ANOS1: variants seen among roughly 807,000 people sequenced by gnomAD.
The protein encoded by ANOS1 is anosmin-1.
Under a neutral mutation model 59.0 loss-of-function variants are expected in ANOS1, and 6 were observed. The ratio of observed to expected loss-of-function variants is 0.10; its 90% CI spans 0.06 to 0.20. The LOEUF is 0.20. Ranked by LOEUF, ANOS1 falls within the 10% of genes least tolerant of loss-of-function variation. The pLI is 1.00. For synonymous variants in ANOS1, 217 were observed against 223.4 expected (o/e 0.97, Z 0.25); for missense variants, 433 against 542.3 (o/e 0.80, Z 2.00).
intron 8 of ANOS1, chrX:8,566,295 C>A: frequency 1.4e-6 from 1 of 726,473 alleles, no homozygotes; most frequent in Non-Finnish European, 1.6e-6. Flanking sequence ...AGGCAGAAAC[C>A]AAAATACATC....
chrX:8,668,821 C>T (rs1279545921), intron 2 of ANOS1, among the ~76,000 whole-genome samples: 1 of 110,745 alleles, frequency 9.0e-6, no homozygotes, highest in Non-Finnish European at 1.9e-5. Context: ...CTGTGGGAGC[C>T]ATTAACCTTC....
rs1449549702 is a variant in ANOS1 at position 8,531,500 on chromosome X, C to T, written c.*1495G>A. 1.8e-5 allele frequency: 2 copies of T among 111,460 alleles called. No homozygotes were observed. Among genetic ancestry groups the T allele is most frequent in the Non-Finnish European group, 3.8e-5 (2 of 53,079 alleles). 9.2% of individuals were successfully genotyped at this position (111,460 alleles called of 1,213,427 possible). Reference sequence around the variant, plus strand: ...ACTTAGGTAGGTAAAGACATATGGACACCTTTCTTTTACAGTGTTTAATTT... The same window carrying T: ...ACTTAGGTAGGTAAAGACATATGGATACCTTTCTTTTACAGTGTTTAATTT... On this transcript the variant is annotated 3_prime_UTR_variant, in exon 14 of 14. Transcript: ENST00000262648.
chrX:8,540,743 T>C (rs887610757), intron 9 of ANOS1, among the ~76,000 whole-genome samples: 1 of 108,039 alleles, frequency 9.3e-6, no homozygotes, highest in Non-Finnish European at 1.9e-5. Flanking sequence ...GTTGATCTAG[T>C]GGGAACTTCG....
chrX:8,580,063 A>G (rs921043534), intron 6 of ANOS1, among the ~76,000 whole-genome samples: 4 of 111,943 alleles, frequency 3.6e-5, no homozygotes, highest in Non-Finnish European at 7.5e-5. Flanking sequence ...AGCAAATATC[A>G]ACTTATGTAG....
chrX:8,601,219 T>C (rs1428814646), intron 3 of ANOS1, among the ~76,000 whole-genome samples: 1 of 100,338 alleles, frequency 1.0e-5, no homozygotes, highest in Admixed American at 1.1e-4. Flanking sequence ...AAAAAAGAAA[T>C]ACTTGTATTA....
At chrX:8,576,696 C>T (rs1930333228) in intron 6 of ANOS1, among the ~76,000 whole-genome samples, 1 of 110,324 alleles carries the variant, frequency 9.1e-6, no homozygotes, top group Non-Finnish European at 1.9e-5. Flanking sequence ...AGGTCATTCA[C>T]ATCATTGATG....
intron 1 of ANOS1, among the ~76,000 whole-genome samples, chrX:8,701,322 T>G (rs1602032769): frequency 8.9e-6 from 1 of 112,295 alleles, no homozygotes; most frequent in East Asian, 2.8e-4. Context: ...GATATATGTT[T>G]GCAGTTATGA....
intron 8 of ANOS1, among the ~76,000 whole-genome samples, chrX:8,556,351 G>T (rs1422454628): frequency 1.8e-5 from 2 of 111,858 alleles, no homozygotes; most frequent in Admixed American, 9.5e-5. Flanking sequence ...GCAAGAGAAA[G>T]AAATAAAGGT....
At chrX:8,585,770 T>C (rs759367006) in intron 5 of ANOS1, among the ~76,000 whole-genome samples, 2 of 112,197 alleles carry the variant, frequency 1.8e-5, no homozygotes, top group Non-Finnish European at 3.8e-5. Flanking sequence ...AAAATGTCTT[T>C]TTAACTCACA....
intron 1 of ANOS1, among the ~76,000 whole-genome samples, chrX:8,715,506 C>A (rs758385539): frequency 9.4e-6 from 1 of 106,506 alleles, no homozygotes; most frequent in African/African-American, 3.4e-5. Flanking sequence ...CTCAAATTCC[C>A]GAACTCAAGT....
intron 2 of ANOS1, among the ~76,000 whole-genome samples, chrX:8,676,305 T>C (rs1333856154): frequency 8.9e-6 from 1 of 111,978 alleles, no homozygotes; most frequent in Non-Finnish European, 1.9e-5. Context: ...ATAACTAATG[T>C]GCAACTACTT....
At chrX:8,714,343 C>T (rs377200860) in intron 1 of ANOS1, among the ~76,000 whole-genome samples, 2 of 111,847 alleles carry the variant, frequency 1.8e-5, no homozygotes, top group Non-Finnish European at 3.8e-5. Context: ...CCACAAGGCA[C>T]ATTACTGCCT....
Position 8,557,652 on chromosome X carries a change from G to T in ANOS1, c.1208-3554C>A, listed in dbSNP as rs754275644. The stretch of plus-strand genomic sequence containing the variant: ...ACCATCTCATGCCAGTTAGAATGGC[G>T]ATCATTCAAAAGTCAGGAAACAACA... On this transcript the variant is annotated intron_variant, in intron 8 of 13. Transcript: ENST00000262648. Among the ~76,000 whole-genome samples, 3 of 111,914 alleles carry T rather than the reference G, an allele frequency of 2.7e-5. No homozygotes were observed. The South Asian group carries it at 1.1e-3, about 42-fold the overall frequency.
intron 1 of ANOS1, among the ~76,000 whole-genome samples, chrX:8,707,019 G>GCT (rs1333194083): frequency 9.0e-6 from 1 of 111,033 alleles, no homozygotes; most frequent in Non-Finnish European, 1.9e-5. Flanking sequence ...GACTTCCACA[G>GCT]CTCTCTCTCT....
At chrX:8,543,422 AC>A (rs1929718016) in intron 9 of ANOS1, among the ~76,000 whole-genome samples, 1 of 109,311 alleles carries the variant, frequency 9.1e-6, no homozygotes, top group African/African-American at 3.4e-5. Context: ...CTCAATTTTA[AC>A]AGATCAATTC....
intron 9 of ANOS1, among the ~76,000 whole-genome samples, chrX:8,547,243 C>A (rs5978898): frequency 0.046 from 5,092 of 111,325 alleles, 284 homozygotes; most frequent in African/African-American, 0.16. Flanking sequence ...TCCTGGCATA[C>A]CATATAAGCT....
At chrX:8,655,825 C>A (rs187088854) in intron 2 of ANOS1, among the ~76,000 whole-genome samples, 95 of 112,511 alleles carry the variant, frequency 8.4e-4, no homozygotes, top group African/African-American at 2.8e-3. Context: ...ACTTCTAATA[C>A]AATTAGCAAA....
intron 3 of ANOS1, among the ~76,000 whole-genome samples, chrX:8,603,537 T>G: frequency 8.9e-6 from 1 of 112,495 alleles, no homozygotes; most frequent in East Asian, 2.8e-4. Flanking sequence ...GCAACATTTC[T>G]TGAATGCTTT....
In ANOS1 at chrX:8,551,604, CA is replaced by C. The variant is rs1266844600; in HGVS notation, c.1354+2347del. Among the ~76,000 whole-genome samples the C allele has an allele frequency of 3.4e-3, 307 of 91,431 alleles. 2 individuals are homozygous for C. The highest frequency in any genetic ancestry group is 6.5e-3 in the African/African-American group (166 of 25,575). 79.4% of individuals were successfully genotyped at this position (91,431 alleles called of 115,157 possible). ...CTGGGCAACAAGAGTGAAACTCCATCAAAAAAAAAAAAACCCACTAAGAAGA... is the reference window on the plus strand; with the variant it reads ...CTGGGCAACAAGAGTGAAACTCCATCAAAAAAAAAAAACCCACTAAGAAGA... On this transcript the variant is annotated intron_variant, in intron 9 of 13. Coordinates refer to ENST00000262648, the MANE Select transcript of ANOS1 (RefSeq NM_000216.4).
Sources: gnomAD v4.1 joint callset for allele counts (sites outside exome capture counted in the v4.1 genomes callset) on GRCh38, gnomAD v4.1.1 for gene constraint, MANE v1.5 for transcripts, NCBI Gene and HGNC (gene_info 2026-07-23, HGNC 2026-07-21) for gene names.